Variants in GRM7 observed in about 807,000 individuals in gnomAD.
GRM7 encodes the protein metabotropic glutamate receptor 7.
A neutral mutation model predicts 84.5 loss-of-function variants in GRM7; 35 were observed. That is an observed-to-expected ratio of 0.41 (90% CI 0.32 to 0.55). The LOEUF is 0.55. Among genes scored for constraint, GRM7 ranks in the 20% least tolerant of loss-of-function variants. GRM7 has a pLI of 0.19. For synonymous variants in GRM7, 487 were observed against 455.1 expected, an observed-to-expected ratio of 1.07 and a Z score of -0.89; for missense variants, 1,003 against 1,194.6, an observed-to-expected ratio of 0.84 and a Z score of 2.36.
At chr3:6,968,871 C>G (rs915637226) in intron 1 of GRM7, among the ~76,000 whole-genome samples, 4 of 152,190 alleles carry the variant, frequency 2.6e-5, no homozygotes, top group Non-Finnish European at 5.9e-5. Flanking sequence ...GTGTACCGCT[C>G]TGTAGAATAT....
intron 1 of GRM7, among the ~76,000 whole-genome samples, chr3:6,988,756 A>T (rs1427940067): frequency 6.6e-6 from 1 of 152,248 alleles, no homozygotes; most frequent in Non-Finnish European, 1.5e-5. Flanking sequence ...GAATTTTCAT[A>T]AGAAGTATAA....
chr3:7,474,384 A>G (rs534309742), intron 7 of GRM7, among the ~76,000 whole-genome samples: 4 of 151,938 alleles, frequency 2.6e-5, no homozygotes, highest in East Asian at 1.9e-4. Flanking sequence ...TGCTTTGATC[A>G]GTCCACCTTT....
chr3:7,661,667 G>A (rs1175463257), intron 8 of GRM7, among the ~76,000 whole-genome samples: 4 of 150,974 alleles, frequency 2.6e-5, no homozygotes, highest in African/African-American at 7.3e-5. Context: ...CGTGGCGGGC[G>A]CCTGTGGTCC....
intron 2 of GRM7, among the ~76,000 whole-genome samples, chr3:7,172,895 AG>A (rs1460503951): frequency 4.2e-4 from 64 of 152,268 alleles, no homozygotes; most frequent in African/African-American, 1.5e-3. Context: ...TGTTTACCAG[AG>A]GAGGATACAC....
intron 7 of GRM7, among the ~76,000 whole-genome samples, chr3:7,471,910 C>T (rs1698718047): frequency 6.6e-6 from 1 of 152,160 alleles, no homozygotes. Flanking sequence ...ATGTTTGCCC[C>T]CTCCAAACCT....
intron 4 of GRM7, among the ~76,000 whole-genome samples, chr3:7,337,638 T>C (rs913146355): frequency 2.0e-5 from 3 of 151,548 alleles, no homozygotes; most frequent in African/African-American, 7.3e-5. Context: ...AAATGGCCAA[T>C]AAACATATGA....
intron 8 of GRM7, among the ~76,000 whole-genome samples, chr3:7,621,717 G>A (rs1697366330): frequency 6.6e-6 from 1 of 152,082 alleles, no homozygotes; most frequent in Non-Finnish European, 1.5e-5. Flanking sequence ...CATGGAGGGA[G>A]GTGGTAGCTC....
intron 7 of GRM7, among the ~76,000 whole-genome samples, chr3:7,554,349 G>T (rs570274390): frequency 6.6e-6 from 1 of 152,270 alleles, no homozygotes; most frequent in Non-Finnish European, 1.5e-5. Flanking sequence ...CAACAATCAT[G>T]TAACAAATAT....
intron 7 of GRM7, chr3:7,535,341 T>G (rs1701202966): frequency 6.6e-6 from 1 of 150,776 alleles, no homozygotes; most frequent in African/African-American, 2.4e-5. Context: ...CTGGAACAGA[T>G]AGGGGAAATA....
chr3:7,704,486 C>T (rs1408564420), intron 9 of GRM7, among the ~76,000 whole-genome samples: 1 of 151,966 alleles, frequency 6.6e-6, no homozygotes, highest in African/African-American at 2.4e-5. Flanking sequence ...TATATTTGAA[C>T]AATCCAATAG....
intron 7 of GRM7, among the ~76,000 whole-genome samples, chr3:7,543,436 G>A (rs2125017656): frequency 6.6e-6 from 1 of 152,352 alleles, no homozygotes; most frequent in Non-Finnish European, 1.5e-5. Flanking sequence ...GACCAATCCT[G>A]TCTTATGCAG....
At chr3:7,645,365 G>C (rs1026188210) in intron 8 of GRM7, among the ~76,000 whole-genome samples, 9 of 151,820 alleles carry the variant, frequency 5.9e-5, no homozygotes, top group South Asian at 4.2e-4. Context: ...TGGCCAACAT[G>C]GTGAAACCCC....
At chr3:7,161,834 G>A (rs150253611) in intron 2 of GRM7, among the ~76,000 whole-genome samples, 6 of 152,234 alleles carry the variant, frequency 3.9e-5, no homozygotes, top group African/African-American at 7.2e-5. Flanking sequence ...ACCATATAGC[G>A]TTAGGCAAAT....
intron 4 of GRM7, among the ~76,000 whole-genome samples, chr3:7,321,950 G>C (rs1416831862): frequency 2.0e-5 from 3 of 152,100 alleles, no homozygotes; most frequent in African/African-American, 4.8e-5. Flanking sequence ...GTCAACATCA[G>C]TGTGAATGGC....
At chr3:7,513,454 T>C (rs1324984239) in intron 7 of GRM7, among the ~76,000 whole-genome samples, 1 of 152,156 alleles carries the variant, frequency 6.6e-6, no homozygotes, top group Non-Finnish European at 1.5e-5. Flanking sequence ...TTAATTGGTA[T>C]TCCTGCCTCC....
At chr3:7,708,344 A>G (rs1701464307) in intron 9 of GRM7, among the ~76,000 whole-genome samples, 1 of 148,984 alleles carries the variant, frequency 6.7e-6, no homozygotes, top group South Asian at 2.1e-4. Flanking sequence ...AGAAAAGCAA[A>G]CATGGCAAAA....
chr3:7,281,017 C>G (rs1699235586), intron 2 of GRM7, among the ~76,000 whole-genome samples: 1 of 152,116 alleles, frequency 6.6e-6, no homozygotes, highest in African/African-American at 2.4e-5. Flanking sequence ...TAAAAAGTGT[C>G]TGTTCTTTCG....
chr3:7,326,647 A>T (rs545438458), intron 4 of GRM7, among the ~76,000 whole-genome samples: 6 of 152,192 alleles, frequency 3.9e-5, no homozygotes, highest in Admixed American at 6.5e-5. Context: ...CAGGAGTTTG[A>T]GACCAGCCTG....
intron 2 of GRM7, among the ~76,000 whole-genome samples, chr3:7,203,372 C>G (rs1173312154): frequency 6.6e-6 from 1 of 152,146 alleles, no homozygotes; most frequent in East Asian, 1.9e-4. Flanking sequence ...ATCCATGTTG[C>G]TACAAATGAC....
Sources: gnomAD v4.1 joint callset for allele counts (sites outside exome capture counted in the v4.1 genomes callset) on GRCh38, gnomAD v4.1.1 for gene constraint, MANE v1.5 for transcripts, NCBI Gene and HGNC (gene_info 2026-07-23, HGNC 2026-07-21) for gene names.